CNTN5: variants seen among roughly 807,000 people sequenced by gnomAD.
CNTN5 encodes the protein contactin 5, also known as contactin-5.
CNTN5 carries 77 observed loss-of-function variants against 129.1 expected under a neutral mutation model. The ratio of observed to expected loss-of-function variants is 0.60; its 90% CI spans 0.50 to 0.72. CNTN5 has a LOEUF of 0.72. Ranked by LOEUF, CNTN5 falls within the 30% of genes least tolerant of loss-of-function variation. The pLI is 0.00. For synonymous variants in CNTN5, 509 were observed against 465.6 expected, an observed-to-expected ratio of 1.09 and a Z score of -1.20; for missense variants, 1,478 against 1,328.8, an observed-to-expected ratio of 1.11 and a Z score of -1.75.
intron 2 of CNTN5, among the ~76,000 whole-genome samples, chr11:99,430,523 T>C (rs1462714319): frequency 6.6e-6 from 1 of 150,644 alleles, no homozygotes; most frequent in East Asian, 1.9e-4. Flanking sequence ...TCTCTATATA[T>C]ATATAGCTTG....
intron 1 of CNTN5, among the ~76,000 whole-genome samples, chr11:99,202,490 A>G (rs1239746124): frequency 6.6e-6 from 1 of 152,206 alleles, no homozygotes; most frequent in Non-Finnish European, 1.5e-5. Context: ...CCAGAAGTGC[A>G]GGAAAAATAC....
chr11:99,356,002 A>G (rs927069014), intron 2 of CNTN5, among the ~76,000 whole-genome samples: 3 of 151,192 alleles, frequency 2.0e-5, no homozygotes, highest in Non-Finnish European at 2.9e-5. Context: ...AATTTTTTGT[A>G]TTTTTAGTAG....
At chr11:100,307,049 T>G (rs1363274510) in intron 20 of CNTN5, among the ~76,000 whole-genome samples, 1 of 151,640 alleles carries the variant, frequency 6.6e-6, no homozygotes, top group African/African-American at 2.4e-5. Context: ...GCAGGCTCCT[T>G]TTGCAGTAAC....
chr11:99,436,197 T>C (rs1437432527), intron 2 of CNTN5, among the ~76,000 whole-genome samples: 1 of 152,156 alleles, frequency 6.6e-6, no homozygotes, highest in East Asian at 1.9e-4. Flanking sequence ...AATTACTACA[T>C]ATTGAGTGCT....
intron 10 of CNTN5, among the ~76,000 whole-genome samples, chr11:100,065,519 C>A (rs1943662723): frequency 6.6e-6 from 1 of 152,094 alleles, no homozygotes; most frequent in Admixed American, 6.6e-5. Context: ...CATTAACTCA[C>A]AATAACCCTT....
At chr11:99,436,849 C>T (rs1034945061) in intron 2 of CNTN5, among the ~76,000 whole-genome samples, 4 of 152,140 alleles carry the variant, frequency 2.6e-5, no homozygotes, top group Non-Finnish European at 5.9e-5. Context: ...CACTCAACAT[C>T]GAGATATTTG....
At chr11:99,486,139 G>A (rs1685975351) in intron 2 of CNTN5, among the ~76,000 whole-genome samples, 1 of 151,890 alleles carries the variant, frequency 6.6e-6, no homozygotes, top group African/African-American at 2.4e-5. Flanking sequence ...CTGCTTTTAT[G>A]AGTACAATTC....
intron 3 of CNTN5, among the ~76,000 whole-genome samples, chr11:99,737,140 CACAA>C (rs1458805109): frequency 7.6e-5 from 11 of 145,200 alleles, no homozygotes; most frequent in South Asian, 2.1e-4. Context: ...TGCACACACA[CACAA>C]ACACACACAC....
chr11:100,270,613 T>C (rs774003423), intron 17 of CNTN5, among the ~76,000 whole-genome samples: 13 of 152,224 alleles, frequency 8.5e-5, no homozygotes, highest in Non-Finnish European at 1.8e-4. Flanking sequence ...ACTCTAAGAA[T>C]TCAATGTTTC....
At chr11:100,014,358 CT>C (rs1440986303) in intron 9 of CNTN5, among the ~76,000 whole-genome samples, 2 of 152,098 alleles carry the variant, frequency 1.3e-5, no homozygotes, top group Non-Finnish European at 1.5e-5. Context: ...CAAGTCCCCC[CT>C]CTCCATTTTA....
At chr11:99,908,511 T>C (rs1193386791) in intron 6 of CNTN5, among the ~76,000 whole-genome samples, 1 of 152,034 alleles carries the variant, frequency 6.6e-6, no homozygotes, top group Non-Finnish European at 1.5e-5. Context: ...CTGATCTGAA[T>C]TTGGAAAAAA....
intron 2 of CNTN5, among the ~76,000 whole-genome samples, chr11:99,336,837 G>C (rs901728487): frequency 4.1e-5 from 6 of 146,930 alleles, no homozygotes; most frequent in Non-Finnish European, 7.5e-5. Flanking sequence ...CAAAAAAAAA[G>C]AAAAAAAAAG....
intron 6 of CNTN5, among the ~76,000 whole-genome samples, chr11:99,847,517 A>C (rs931482080): frequency 6.6e-6 from 1 of 151,920 alleles, no homozygotes; most frequent in African/African-American, 2.4e-5. Context: ...TTTCCACCAA[A>C]CTCAGGTCAT....
chr11:100,250,988 A>G (rs1441255277), intron 16 of CNTN5, among the ~76,000 whole-genome samples: 1 of 152,166 alleles, frequency 6.6e-6, no homozygotes, highest in Non-Finnish European at 1.5e-5. Flanking sequence ...GAATAAATGT[A>G]ACAACATAGA....
chr11:99,649,631 G>T (rs1952083972), intron 3 of CNTN5, among the ~76,000 whole-genome samples: 2 of 151,706 alleles, frequency 1.3e-5, no homozygotes, highest in Admixed American at 1.3e-4. Context: ...AATATAGTAA[G>T]ATATTTATTG....
At chr11:100,112,665 A>C (rs1484580414) in intron 13 of CNTN5, among the ~76,000 whole-genome samples, 1 of 152,176 alleles carries the variant, frequency 6.6e-6, no homozygotes, top group Non-Finnish European at 1.5e-5. Context: ...ATATGAGAAG[A>C]TAGAGAATAG....
chr11:100,000,660 C>T (rs1354907721), intron 8 of CNTN5, among the ~76,000 whole-genome samples: 1 of 152,196 alleles, frequency 6.6e-6, no homozygotes, highest in African/African-American at 2.4e-5. Flanking sequence ...GTGGAGGCTC[C>T]AACCCCGCCA....
intron 6 of CNTN5, among the ~76,000 whole-genome samples, chr11:99,908,160 T>C (rs1217075992): frequency 6.6e-6 from 1 of 152,032 alleles, no homozygotes; most frequent in South Asian, 2.1e-4. Flanking sequence ...AATAGGCAGA[T>C]AGTCCAATTT....
intron 1 of CNTN5, among the ~76,000 whole-genome samples, chr11:99,313,964 G>A (rs539369666): frequency 6.6e-6 from 1 of 151,978 alleles, no homozygotes; most frequent in Non-Finnish European, 1.5e-5. Context: ...GGAGAATGGT[G>A]AAGACTAGCT....
Sources: gnomAD v4.1 joint callset for allele counts (sites outside exome capture counted in the v4.1 genomes callset) on GRCh38, gnomAD v4.1.1 for gene constraint, MANE v1.5 for transcripts, NCBI Gene and HGNC (gene_info 2026-07-23, HGNC 2026-07-21) for gene names.